Variants in ADAM22 observed in about 807,000 individuals in gnomAD.
ADAM22 encodes disintegrin and metalloproteinase domain-containing protein 22.
A neutral mutation model predicts 144.6 loss-of-function variants in ADAM22; 65 were observed. The observed-to-expected ratio is 0.45, with a 90% CI of 0.37 to 0.55. ADAM22 has a LOEUF of 0.55. ADAM22 is among the 20% of genes least tolerant of loss of function. The pLI is 0.00. For missense variants in ADAM22, 974 were observed against 1,184.9 expected (o/e 0.82, Z 2.61); for synonymous variants, 391 against 412.6 (o/e 0.95, Z 0.63).
intron 3 of ADAM22, among the ~76,000 whole-genome samples, chr7:88,006,063 T>C (rs1793770732): frequency 6.6e-6 from 1 of 152,222 alleles, no homozygotes; most frequent in African/African-American, 2.4e-5. Flanking sequence ...GTCTAGCTTT[T>C]GAATGTGTTT....
intron 4 of ADAM22, among the ~76,000 whole-genome samples, chr7:88,080,853 C>A (rs925940762): frequency 2.0e-5 from 3 of 152,132 alleles, no homozygotes; most frequent in Non-Finnish European, 4.4e-5. Context: ...TAATTAATAG[C>A]TTACCAACCA....
intron 4 of ADAM22, among the ~76,000 whole-genome samples, chr7:88,088,488 C>A (rs1245661341): frequency 7.3e-6 from 1 of 137,838 alleles, no homozygotes; most frequent in Non-Finnish European, 1.5e-5. Context: ...TTAGTTTTCC[C>A]CAGTGAATGT....
At chr7:87,981,292 A>G (rs1853356326) in intron 3 of ADAM22, among the ~76,000 whole-genome samples, 1 of 152,078 alleles carries the variant, frequency 6.6e-6, no homozygotes, top group South Asian at 2.1e-4. Flanking sequence ...CTTTTTTTGG[A>G]AGGGATTCTG....
At chr7:88,083,745 G>T (rs1192985509) in intron 4 of ADAM22, among the ~76,000 whole-genome samples, 8 of 151,906 alleles carry the variant, frequency 5.3e-5, no homozygotes, top group Admixed American at 3.9e-4. Context: ...GGTAATTCTT[G>T]TAAGCGACCT....
intron 4 of ADAM22, among the ~76,000 whole-genome samples, chr7:88,077,190 CT>C: frequency 6.6e-6 from 1 of 152,184 alleles, no homozygotes; most frequent in East Asian, 1.9e-4. Flanking sequence ...CATAGTAAAG[CT>C]TTTTATTTAA....
chr7:87,980,594 T>G (rs1853131019), intron 3 of ADAM22, among the ~76,000 whole-genome samples: 1 of 152,058 alleles, frequency 6.6e-6, no homozygotes, highest in East Asian at 1.9e-4. Flanking sequence ...GCAGAATGGA[T>G]CCAATAATAC....
intron 2 of ADAM22, among the ~76,000 whole-genome samples, chr7:87,940,932 T>C (rs991058687): frequency 1.3e-5 from 2 of 152,226 alleles, no homozygotes; most frequent in Non-Finnish European, 2.9e-5. Context: ...TTGATACTAC[T>C]CATTGTTTGA....
In ADAM22 at chr7:87,973,794, T is replaced by C. The variant is rs560515834; in HGVS notation, c.247-4542T>C. ...TGAGCTCATGTCCTTTGTAGGGACA[T>C]GGATGAAGCTGGAAACCATCATTCT... On this transcript the variant is annotated intron_variant, in intron 2 of 31. Transcript: ENST00000413139. Among the ~76,000 whole-genome samples, 561 of 152,182 alleles carry C rather than the reference T, an allele frequency of 3.7e-3. 5 individuals are homozygous for C. Among genetic ancestry groups the C allele is most frequent in the African/African-American group, 0.013 (543 of 41,502 alleles).
intron 3 of ADAM22, among the ~76,000 whole-genome samples, chr7:87,987,209 C>G (rs570249408): frequency 6.6e-6 from 1 of 152,124 alleles, no homozygotes; most frequent in Non-Finnish European, 1.5e-5. Context: ...TGGACAGTCT[C>G]ACTCTGTTGG....
chr7:88,097,013 CA>C (rs1821503482), intron 4 of ADAM22, among the ~76,000 whole-genome samples: 1 of 151,908 alleles, frequency 6.6e-6, no homozygotes, highest in South Asian at 2.1e-4. Flanking sequence ...TGGGCTAATC[CA>C]AAATCATTTA....
intron 3 of ADAM22, among the ~76,000 whole-genome samples, chr7:88,020,545 G>C (rs1797602123): frequency 6.6e-6 from 1 of 152,136 alleles, no homozygotes; most frequent in African/African-American, 2.4e-5. Context: ...TTCCTCCAAT[G>C]TGTATCGACT....
rs757426319 is a variant in ADAM22, at chr7:87,935,305, G to A, written c.246+119G>A. ...TCTTGGGTGAAATGAGTTGGGTCCC[G>A]ATGCGAGTCATGCATGGCGCTCCCT... On this transcript the variant is annotated intron_variant, in intron 2 of 31. Transcript: ENST00000413139. 6.1e-4 allele frequency: 723 copies of A among 1,184,102 alleles called. 1 individual carries two copies. Among genetic ancestry groups the A allele is most frequent in the Non-Finnish European group, 8.0e-4 (695 of 870,780 alleles). 73.3% of individuals were successfully genotyped at this position (1,184,102 alleles called of 1,614,324 possible). A position where few individuals can be genotyped will look rare whatever the true frequency, so the allele number is the denominator to read the frequency against.
intron 30 of ADAM22, among the ~76,000 whole-genome samples, chr7:88,187,424 A>G (rs1260289774): frequency 6.6e-6 from 1 of 152,200 alleles, no homozygotes; most frequent in Non-Finnish European, 1.5e-5. Flanking sequence ...TTGACTCACA[A>G]AATAGAAGAA....
At chr7:88,020,760 C>T (rs563686164) in intron 3 of ADAM22, among the ~76,000 whole-genome samples, 3 of 152,280 alleles carry the variant, frequency 2.0e-5, no homozygotes, top group Admixed American at 1.3e-4. Flanking sequence ...TTTGTATTCA[C>T]ATACTATGTA....
intron 2 of ADAM22, among the ~76,000 whole-genome samples, chr7:87,948,946 T>C (rs1334177523): frequency 2.0e-5 from 3 of 152,240 alleles, no homozygotes; most frequent in South Asian, 2.1e-4. Context: ...GTTTCAATTT[T>C]CTTTCACCAA....
At chr7:87,934,911 G>C (rs767895299) in intron 1 of ADAM22, 115 bp from the exon 2 acceptor site, 1 of 1,438,448 alleles carries the variant, frequency 7.0e-7, no homozygotes, top group Non-Finnish European at 9.7e-7. Context: ...AGAGGGAGGG[G>C]GCGGTGGGGA....
chr7:87,982,818 C>T (rs1001030557), intron 3 of ADAM22, among the ~76,000 whole-genome samples: 3 of 149,978 alleles, frequency 2.0e-5, no homozygotes, highest in Admixed American at 2.0e-4. Context: ...CCTGAGCCTC[C>T]CGAGTAGCTG....
rs1281555946 is a variant in ADAM22, at chr7:88,156,271, T to G, written c.1907+265T>G. On this transcript the variant is annotated intron_variant, in intron 22 of 31. Coordinates refer to ENST00000413139, the MANE Select transcript of ADAM22 (RefSeq NM_001324418.2). The stretch of plus-strand genomic sequence containing the variant: ...GTTTGGTTTCCAAACTTACAGAATT[T>G]GGAAAATGAATGAGGACTTCTAGGT... 2.0e-5 allele frequency among the ~76,000 whole-genome samples: 3 copies of G among 152,156 alleles called. No individual in the cohort carries two copies. The East Asian group carries it at 5.8e-4, about 29-fold the overall frequency.
At chr7:88,035,279 A>G (rs889627572) in intron 3 of ADAM22, among the ~76,000 whole-genome samples, 2 of 152,240 alleles carry the variant, frequency 1.3e-5, no homozygotes, top group African/African-American at 4.8e-5. Context: ...TTATTAATAT[A>G]TACAAATCCA....
Sources: gnomAD v4.1 joint callset for allele counts (sites outside exome capture counted in the v4.1 genomes callset) on GRCh38, gnomAD v4.1.1 for gene constraint, MANE v1.5 for transcripts, NCBI Gene and HGNC (gene_info 2026-07-23, HGNC 2026-07-21) for gene names.